TEKT3: variants seen among roughly 807,000 people sequenced by gnomAD.
TEKT3 encodes tektin-3.
A neutral mutation model predicts 49.8 loss-of-function variants in TEKT3; 49 were observed. The observed-to-expected ratio is 0.98, with a 90% confidence interval of 0.78 to 1.25. The LOEUF (loss-of-function observed/expected upper bound fraction) is 1.25. TEKT3 is among the 50% of genes most tolerant of loss of function. The pLI, the probability that TEKT3 is intolerant of heterozygous loss-of-function variation, is 0.00. For missense variants in TEKT3, 595 were observed against 629.5 expected (o/e 0.95, Z 0.59); for synonymous variants, 225 against 237.2 (o/e 0.95, Z 0.47).
chr17:15,342,104 CCTCT>C (rs915160336), upstream of TEKT3, among the ~76,000 whole-genome samples: 1 of 152,126 alleles, frequency 6.6e-6, no homozygotes, highest in Non-Finnish European at 1.5e-5. Context: ...TTGGGCTTTC[CCTCT>C]CTCTCTTCAG....
chr17:15,316,251 T>C (rs1412219220), intron 5 of TEKT3, among the ~76,000 whole-genome samples: 5 of 152,206 alleles, frequency 3.3e-5, no homozygotes, highest in Non-Finnish European at 7.3e-5. Context: ...GAGACCCTGT[T>C]AGAGAAGGGG....
intron 7 of TEKT3, chr17:15,310,804 T>G (rs557763170): frequency 4.6e-5 from 7 of 152,284 alleles, no homozygotes; most frequent in African/African-American, 1.7e-4. Context: ...GAATGTCTTC[T>G]TACAATTGAT....
upstream of TEKT3, among the ~76,000 whole-genome samples, chr17:15,343,340 T>A (rs12449596): frequency 0.039 from 5,905 of 152,340 alleles, 174 homozygotes; most frequent in African/African-American, 0.077. Context: ...GATTGAATGA[T>A]GTTTTGGAAA....
intron 4 of TEKT3, among the ~76,000 whole-genome samples, chr17:15,325,071 T>A (rs1044515583): frequency 6.6e-6 from 1 of 152,242 alleles, no homozygotes; most frequent in Non-Finnish European, 1.5e-5. Context: ...GATCAATAGA[T>A]GGTAAATGTG....
chr17:15,313,701 G>A lies in TEKT3; in HGVS notation c.878+386C>T, dbSNP rs548326104. On this transcript the variant is annotated intron_variant, in intron 6 of 8. Transcript: ENST00000395930. ...TTTTTGTATTTTTAGTAGAGACGGG[G>A]TTTCACCATGTTCGTCAGGCTGGTC... 1.1e-4 allele frequency among the ~76,000 whole-genome samples: 16 copies of A among 151,978 alleles called. 1 individual carries two copies. The East Asian group carries it at 1.6e-3, about 15-fold the overall frequency.
chr17:15,329,906 G>A (rs1459767575), intron 3 of TEKT3, among the ~76,000 whole-genome samples: 1 of 152,142 alleles, frequency 6.6e-6, no homozygotes, highest in Admixed American at 6.5e-5. Flanking sequence ...AAAATAATTT[G>A]TATAATTTGC....
intron 2 of TEKT3, among the ~76,000 whole-genome samples, chr17:15,334,014 C>T (rs532013339): frequency 1.3e-5 from 2 of 151,966 alleles, no homozygotes; most frequent in African/African-American, 4.8e-5. Context: ...CCACCCACCT[C>T]GGCCTCTCAA....
chr17:15,336,345 C>A (rs1911982709), intron 2 of TEKT3, among the ~76,000 whole-genome samples: 1 of 152,068 alleles, frequency 6.6e-6, no homozygotes, highest in Non-Finnish European at 1.5e-5. Flanking sequence ...GTGTAAGCCT[C>A]AAATTCTATA....
chr17:15,315,555 C>A (rs1341602944), intron 5 of TEKT3, among the ~76,000 whole-genome samples: 2 of 142,740 alleles, frequency 1.4e-5, no homozygotes, highest in African/African-American at 2.6e-5. Context: ...AAGATAGAAC[C>A]AAGAGAATCT....
At position 15,312,416 on chromosome 17, in the gene TEKT3, C is replaced by T. The variant is rs772827218; in HGVS notation, c.944G>A (p.Arg315Gln). Residue 315 changes from arginine to glutamine, a missense_variant, in exon 7 of 9, where the codon CGG becomes CAG. By Grantham distance (43) the Arg-to-Gln change is conservative (BLOSUM62 1). Transcript: ENST00000395930. Reference sequence around the variant, plus strand: ...GTCTCTTAGCTTAGCGGAAGCTGCCCGTTCACTCTGGGAGCGGAGAATATT... The same window carrying T: ...GTCTCTTAGCTTAGCGGAAGCTGCCTGTTCACTCTGGGAGCGGAGAATATT... ...DDNILRSQSERAASAKLRDDI... is the reference protein window; with the variant it reads ...DDNILRSQSEQAASAKLRDDI... 1.3e-5 allele frequency: 21 copies of T among 1,614,020 alleles called. No homozygotes were observed. In the South Asian group the frequency reaches 1.4e-4, roughly 11 times the overall value.
upstream of TEKT3, among the ~76,000 whole-genome samples, chr17:15,342,491 C>A (rs976166902): frequency 1.3e-5 from 2 of 152,174 alleles, no homozygotes; most frequent in East Asian, 1.9e-4. Flanking sequence ...CACCCAAGGA[C>A]GAGGCGGAGG....
At chr17:15,328,494 A>G (rs989376312) in intron 3 of TEKT3, among the ~76,000 whole-genome samples, 2 of 152,220 alleles carry the variant, frequency 1.3e-5, no homozygotes, top group Non-Finnish European at 2.9e-5. Flanking sequence ...TAAAAACATC[A>G]AAATTTTTGT....
At chr17:15,333,169 GT>G (rs1351827875) in intron 2 of TEKT3, among the ~76,000 whole-genome samples, 8 of 151,964 alleles carry the variant, frequency 5.3e-5, no homozygotes, top group Non-Finnish European at 1.2e-4. Context: ...AGACCACTAC[GT>G]ATCTTTTAGC....
intron 4 of TEKT3, 134 bp downstream of exon 4, chr17:15,327,857 TA>T: frequency 1.5e-6 from 1 of 666,592 alleles, no homozygotes; most frequent in Non-Finnish European, 2.6e-6. Context: ...ATGTCTTTGC[TA>T]AATGCTATCA....
chr17:15,342,230 G>A (rs1912257555), upstream of TEKT3, among the ~76,000 whole-genome samples: 1 of 152,124 alleles, frequency 6.6e-6, no homozygotes, highest in South Asian at 2.1e-4. Context: ...CCTGTAAGAG[G>A]GGTTTATATT....
chr17:15,322,249 A>C (rs1911299827), intron 4 of TEKT3, among the ~76,000 whole-genome samples: 1 of 152,218 alleles, frequency 6.6e-6, no homozygotes, highest in Non-Finnish European at 1.5e-5. Flanking sequence ...AAATGTTAAC[A>C]AAAGCCACAA....
At chr17:15,320,911 C>T (rs775760111) in intron 4 of TEKT3, among the ~76,000 whole-genome samples, 1 of 152,046 alleles carries the variant, frequency 6.6e-6, no homozygotes, top group Non-Finnish European at 1.5e-5. Context: ...GTTTTTATCC[C>T]TTGTGTACAC....
At chr17:15,333,722 G>GTTTATTTTATTTTAT (rs58481435) in intron 2 of TEKT3, among the ~76,000 whole-genome samples, 5,933 of 144,276 alleles carry the variant, frequency 0.041, 193 homozygotes, top group East Asian at 0.12. Flanking sequence ...CTTGGCTTTG[G>GTTTATTTTATTTTAT]TTTATTTTAT....
At chr17:15,339,715 G>T (rs1454196266) in intron 2 of TEKT3, among the ~76,000 whole-genome samples, 2 of 152,076 alleles carry the variant, frequency 1.3e-5, no homozygotes, top group Non-Finnish European at 2.9e-5. Flanking sequence ...TTAGATCAGG[G>T]GCAAGCATAG....
Sources: gnomAD v4.1 joint callset for allele counts (sites outside exome capture counted in the v4.1 genomes callset) on GRCh38, gnomAD v4.1.1 for gene constraint, MANE v1.5 for transcripts, NCBI Gene and HGNC (gene_info 2026-07-23, HGNC 2026-07-21) for gene names.